BNC2: variants seen among roughly 807,000 people sequenced by gnomAD.
BNC2 encodes the protein basonuclin zinc finger protein 2, also known as zinc finger protein basonuclin-2.
A neutral mutation model predicts 76.3 loss-of-function variants in BNC2; 20 were observed. That is an observed-to-expected ratio of 0.26 (90% CI 0.18 to 0.38). The LOEUF is 0.38. Among genes scored for constraint, BNC2 ranks in the 10% least tolerant of loss-of-function variants. The pLI, the probability that BNC2 is intolerant of heterozygous loss-of-function variation, is 1.00. For synonymous variants in BNC2, 582 were observed against 514.8 expected (o/e 1.13, Z -1.77); for missense variants, 1,382 against 1,399.8 (o/e 0.99, Z 0.20).
chr9:16,725,217 T>TCACTCACA (rs929934068), intron 3 of BNC2, among the ~76,000 whole-genome samples: 2,149 of 148,226 alleles, frequency 0.014, 32 homozygotes, highest in African/African-American at 0.037. Flanking sequence ...TCTCTCTCTC[T>TCACTCACA]CACACACACA....
At chr9:16,618,471 A>T (rs1820773107) in intron 3 of BNC2, among the ~76,000 whole-genome samples, 1 of 152,206 alleles carries the variant, frequency 6.6e-6, no homozygotes, top group South Asian at 2.1e-4. Flanking sequence ...GGGACACAAC[A>T]TCAAACATCA....
intron 3 of BNC2, among the ~76,000 whole-genome samples, chr9:16,662,112 T>A (rs1822127038): frequency 6.6e-6 from 1 of 152,210 alleles, no homozygotes; most frequent in African/African-American, 2.4e-5. Context: ...ACTCAAGCTG[T>A]TAAACTCCCA....
At chr9:16,540,715 C>T (rs542330548) in intron 5 of BNC2, among the ~76,000 whole-genome samples, 1 of 152,260 alleles carries the variant, frequency 6.6e-6, no homozygotes, top group East Asian at 1.9e-4. Flanking sequence ...TTGACAGGAG[C>T]ATTCAGATTG....
intron 3 of BNC2, among the ~76,000 whole-genome samples, chr9:16,611,237 T>G (rs962580390): frequency 1.3e-5 from 2 of 152,228 alleles, no homozygotes; most frequent in African/African-American, 4.8e-5. Flanking sequence ...TCAATCGTCC[T>G]GCCAGATACT....
At chr9:16,614,708 A>G (rs1209082424) in intron 3 of BNC2, among the ~76,000 whole-genome samples, 1 of 152,080 alleles carries the variant, frequency 6.6e-6, no homozygotes, top group Non-Finnish European at 1.5e-5. Flanking sequence ...GCACTTTGAG[A>G]GGCTGAGGCA....
intron 1 of BNC2, among the ~76,000 whole-genome samples, chr9:16,814,327 AAT>A (rs1268494909): frequency 6.6e-6 from 1 of 152,234 alleles, no homozygotes; most frequent in African/African-American, 2.4e-5. Context: ...CTAGGCACTC[AAT>A]ATGTCTTTAT....
chr9:16,532,303 C>G (rs901358067), intron 5 of BNC2, among the ~76,000 whole-genome samples: 6 of 151,842 alleles, frequency 4.0e-5, no homozygotes, highest in Non-Finnish European at 8.8e-5. Context: ...TTTTCCCTGT[C>G]CTTTTATTAA....
At chr9:16,449,645 A>C (rs1260586949) in intron 5 of BNC2, among the ~76,000 whole-genome samples, 1 of 152,190 alleles carries the variant, frequency 6.6e-6, no homozygotes. Flanking sequence ...TCACTTAAAT[A>C]CTACTTCTGA....
chr9:16,524,560 C>T (rs1439950421), intron 5 of BNC2, among the ~76,000 whole-genome samples: 1 of 151,860 alleles, frequency 6.6e-6, no homozygotes, highest in Non-Finnish European at 1.5e-5. Flanking sequence ...ATATTAGGAG[C>T]TTAAATTAGT....
chr9:16,546,196 T>C (rs1818476499), intron 5 of BNC2, among the ~76,000 whole-genome samples: 1 of 152,182 alleles, frequency 6.6e-6, no homozygotes, highest in South Asian at 2.1e-4. Context: ...CAACATACAT[T>C]TCATCTATAT....
At chr9:16,461,539 A>G (rs1454012975) in intron 5 of BNC2, among the ~76,000 whole-genome samples, 1 of 151,472 alleles carries the variant, frequency 6.6e-6, no homozygotes, top group Non-Finnish European at 1.5e-5. Context: ...CTCTTAATCT[A>G]CTATGAATAA....
chr9:16,841,345 A>C (rs1818820299), intron 1 of BNC2, among the ~76,000 whole-genome samples: 2 of 152,194 alleles, frequency 1.3e-5, no homozygotes, highest in South Asian at 4.1e-4. Flanking sequence ...CATAGTTGGG[A>C]TTCAAACTCA....
intron 1 of BNC2, chr9:16,867,534 A>G (rs2136236659): frequency 6.6e-6 from 1 of 152,328 alleles, no homozygotes; most frequent in East Asian, 1.9e-4. Flanking sequence ...CACTAAGGCC[A>G]TCTTTCAAAT....
chr9:16,715,983 C>A (rs1460193471), intron 3 of BNC2, among the ~76,000 whole-genome samples: 1 of 152,172 alleles, frequency 6.6e-6, no homozygotes, highest in African/African-American at 2.4e-5. Flanking sequence ...AACTCATTTT[C>A]ATAATTAAAT....
chr9:16,811,654 G>A (rs970597009), intron 1 of BNC2, among the ~76,000 whole-genome samples: 3 of 151,830 alleles, frequency 2.0e-5, no homozygotes. Flanking sequence ...CAGAAATGAG[G>A]CAGCAGAACT....
chr9:16,643,889 T>A (rs188177659), intron 3 of BNC2, among the ~76,000 whole-genome samples: 1 of 152,204 alleles, frequency 6.6e-6, no homozygotes, highest in East Asian at 1.9e-4. Context: ...TCAAGAACAA[T>A]AGGAACAAGT....
At chr9:16,491,414 T>C (rs946885709) in intron 5 of BNC2, among the ~76,000 whole-genome samples, 2 of 152,172 alleles carry the variant, frequency 1.3e-5, no homozygotes, top group African/African-American at 4.8e-5. Flanking sequence ...CAAGATCTGG[T>C]AATGACAAAA....
At chr9:16,429,815 G>C (rs1820870819) in intron 6 of BNC2, 1 of 430,396 alleles carries the variant, frequency 2.3e-6, no homozygotes, top group African/African-American at 2.0e-5. Flanking sequence ...GAAGACGGTG[G>C]AAATGAGTGG....
At chr9:16,833,961 G>C (rs991676101) in intron 1 of BNC2, among the ~76,000 whole-genome samples, 1 of 151,964 alleles carries the variant, frequency 6.6e-6, no homozygotes, top group Non-Finnish European at 1.5e-5. Flanking sequence ...CTAATCTCAG[G>C]CCTTCAGTCC....
Sources: gnomAD v4.1 joint callset for allele counts (sites outside exome capture counted in the v4.1 genomes callset) on GRCh38, gnomAD v4.1.1 for gene constraint, MANE v1.5 for transcripts, NCBI Gene and HGNC (gene_info 2026-07-23, HGNC 2026-07-21) for gene names.